SPATS2L: variants seen among roughly 807,000 people sequenced by gnomAD.
The protein encoded by SPATS2L is spermatogenesis associated serine rich 2 like, also known as SPATS2-like protein.
A neutral mutation model predicts 59.6 loss-of-function variants in SPATS2L; 30 were observed. The observed-to-expected ratio is 0.50, with a 90% CI of 0.38 to 0.68. SPATS2L has a LOEUF of 0.68. Ranked by LOEUF, SPATS2L falls within the 30% of genes least tolerant of loss-of-function variation. SPATS2L has a pLI of 0.00. For missense variants in SPATS2L, 615 were observed against 700.0 expected (o/e 0.88, Z 1.37); for synonymous variants, 252 against 263.5 (o/e 0.96, Z 0.42).
rs1471410381 is a variant in SPATS2L, at chr2:200,419,239, T to C, written c.199-11T>C. ...GTTGAATATTATGTTCTCATTTGTT[T>C]CTCATTCTAGAACAATAAAAGAAAA... On this transcript the variant is annotated splice_polypyrimidine_tract_variant and intron_variant, in intron 5 of 12. Transcript: ENST00000409140. 1 of 1,554,452 alleles carries C rather than the reference T, an allele frequency of 6.4e-7. No homozygotes were observed. The highest frequency in any genetic ancestry group is 8.7e-7 in the Non-Finnish European group (1 of 1,149,068).
chr2:200,364,610 T>C (rs2081211981), intron 2 of SPATS2L, among the ~76,000 whole-genome samples: 1 of 152,252 alleles, frequency 6.6e-6, no homozygotes, highest in African/African-American at 2.4e-5. Context: ...AAGATGTTTT[T>C]ATTTCACTTG....
chr2:200,448,460 AC>A (rs1237174442), intron 8 of SPATS2L, among the ~76,000 whole-genome samples: 5 of 152,166 alleles, frequency 3.3e-5, no homozygotes, highest in East Asian at 1.9e-4. Flanking sequence ...AAACAAAACA[AC>A]AACAACAACA....
intron 2 of SPATS2L, among the ~76,000 whole-genome samples, chr2:200,385,869 A>G (rs1410996215): frequency 6.6e-6 from 1 of 151,700 alleles, no homozygotes; most frequent in East Asian, 1.9e-4. Context: ...ATTTTTTTGT[A>G]TTTTTAGTGG....
chr2:200,414,449 G>C (rs559361162), intron 4 of SPATS2L, among the ~76,000 whole-genome samples: 1 of 152,066 alleles, frequency 6.6e-6, no homozygotes, highest in Admixed American at 6.6e-5. Flanking sequence ...ACAACATGGC[G>C]AGACACTGTC....
intron 2 of SPATS2L, among the ~76,000 whole-genome samples, chr2:200,359,707 G>C (rs528859848): frequency 6.6e-6 from 1 of 152,262 alleles, no homozygotes; most frequent in East Asian, 1.9e-4. Flanking sequence ...TGTAAATCCT[G>C]GCCATTCAGC....
chr2:200,307,544 G>A (rs1423067690), intron 1 of SPATS2L, among the ~76,000 whole-genome samples: 1 of 152,146 alleles, frequency 6.6e-6, no homozygotes, highest in African/African-American at 2.4e-5. Context: ...CCTGGCCGCG[G>A]GACGAAGCGG....
intron 6 of SPATS2L, among the ~76,000 whole-genome samples, chr2:200,438,664 T>C (rs2084469472): frequency 6.6e-6 from 1 of 152,212 alleles, no homozygotes. Flanking sequence ...TCTGCCTTCA[T>C]TAATTCGGAA....
intron 2 of SPATS2L, among the ~76,000 whole-genome samples, chr2:200,376,767 A>T (rs1263568597): frequency 6.6e-6 from 1 of 152,246 alleles, no homozygotes; most frequent in African/African-American, 2.4e-5. Context: ...ACACAGACAG[A>T]GCCCTGAGAG....
At chr2:200,368,142 A>G (rs2081321160) in intron 2 of SPATS2L, among the ~76,000 whole-genome samples, 2 of 152,182 alleles carry the variant, frequency 1.3e-5, no homozygotes, top group South Asian at 4.1e-4. Context: ...AGGAATCCCG[A>G]ACTTCTCAGG....
chr2:200,459,869 A>C, intron 9 of SPATS2L, 42 bp downstream of exon 9: 2 of 1,403,834 alleles, frequency 1.4e-6, no homozygotes, highest in Non-Finnish European at 2.0e-6. Context: ...GAGCTTCCCA[A>C]TCAGAAGCAA....
intron 3 of SPATS2L, among the ~76,000 whole-genome samples, chr2:200,399,443 A>AT (rs2082452833): frequency 6.6e-6 from 1 of 152,232 alleles, no homozygotes; most frequent in African/African-American, 2.4e-5. Flanking sequence ...CTGTGTATAT[A>AT]TACCACATTC....
At chr2:200,377,853 T>C (rs1307688368) in intron 2 of SPATS2L, among the ~76,000 whole-genome samples, 1 of 152,178 alleles carries the variant, frequency 6.6e-6, no homozygotes, top group Non-Finnish European at 1.5e-5. Flanking sequence ...TACTAATTGA[T>C]TGATATGCCT....
intron 2 of SPATS2L, among the ~76,000 whole-genome samples, chr2:200,381,639 A>G (rs2081815390): frequency 6.6e-6 from 1 of 152,224 alleles, no homozygotes; most frequent in Non-Finnish European, 1.5e-5. Flanking sequence ...GTAGAAATGC[A>G]TATGTCTCTT....
chr2:200,323,880 C>T (rs1315504383), intron 1 of SPATS2L, among the ~76,000 whole-genome samples: 1 of 152,142 alleles, frequency 6.6e-6, no homozygotes, highest in African/African-American at 2.4e-5. Flanking sequence ...ATAGGCAACT[C>T]TTTTATTATT....
chr2:200,355,517 A>C (rs1323633023), intron 2 of SPATS2L, among the ~76,000 whole-genome samples: 1 of 152,210 alleles, frequency 6.6e-6, no homozygotes, highest in African/African-American at 2.4e-5. Context: ...TCTCATATGC[A>C]TTTAGTGATT....
intron 1 of SPATS2L, among the ~76,000 whole-genome samples, chr2:200,319,152 G>A (rs1432792230): frequency 6.6e-6 from 1 of 152,166 alleles, no homozygotes; most frequent in African/African-American, 2.4e-5. Flanking sequence ...CATAGCTATT[G>A]TATCTCCTCC....
chr2:200,338,384 A>G (rs920538196), intron 2 of SPATS2L, among the ~76,000 whole-genome samples: 3 of 152,218 alleles, frequency 2.0e-5, no homozygotes, highest in African/African-American at 4.8e-5. Flanking sequence ...ATCTTCTAAT[A>G]TATGGAGTTT....
chr2:200,308,081 C>T (rs1389573043), intron 1 of SPATS2L, among the ~76,000 whole-genome samples: 3 of 152,090 alleles, frequency 2.0e-5, no homozygotes, highest in Admixed American at 6.5e-5. Context: ...TATACCAGTA[C>T]TTGAAATAGT....
intron 1 of SPATS2L, among the ~76,000 whole-genome samples, chr2:200,323,337 A>C (rs1449511941): frequency 6.6e-6 from 1 of 152,176 alleles, no homozygotes; most frequent in Non-Finnish European, 1.5e-5. Context: ...GGTTCACCCA[A>C]AAGTTTGCTT....
Sources: gnomAD v4.1 joint callset for allele counts (sites outside exome capture counted in the v4.1 genomes callset) on GRCh38, gnomAD v4.1.1 for gene constraint, MANE v1.5 for transcripts, NCBI Gene and HGNC (gene_info 2026-07-23, HGNC 2026-07-21) for gene names.